DYNC1I1: variants seen among roughly 807,000 people sequenced by gnomAD.
The protein encoded by DYNC1I1 is dynein cytoplasmic 1 intermediate chain 1.
DYNC1I1 carries 43 observed loss-of-function variants against 86.6 expected under a neutral mutation model. The observed-to-expected ratio is 0.50, with a 90% CI of 0.39 to 0.64. DYNC1I1 has a LOEUF of 0.64. DYNC1I1 is among the 30% of genes least tolerant of loss of function. The pLI, the probability that DYNC1I1 is intolerant of heterozygous loss-of-function variation, is 0.00. For synonymous variants in DYNC1I1, 262 were observed against 283.7 expected (o/e 0.92, Z 0.77); for missense variants, 604 against 788.8 (o/e 0.77, Z 2.81).
intron 6 of DYNC1I1, among the ~76,000 whole-genome samples, chr7:95,949,212 T>A (rs762811435): frequency 2.0e-5 from 3 of 152,220 alleles, no homozygotes; most frequent in Non-Finnish European, 4.4e-5. Flanking sequence ...AAAGACTTTG[T>A]GCTAAAAGCA....
chr7:95,949,933 G>T (rs1002988957), intron 6 of DYNC1I1, among the ~76,000 whole-genome samples: 4 of 151,818 alleles, frequency 2.6e-5, no homozygotes, highest in Non-Finnish European at 4.4e-5. Flanking sequence ...TTGATAAAGG[G>T]CCTTAGGCTA....
intron 2 of DYNC1I1, among the ~76,000 whole-genome samples, chr7:95,806,367 G>T (rs1794700920): frequency 6.6e-6 from 1 of 152,112 alleles, no homozygotes; most frequent in South Asian, 2.1e-4. Context: ...ACATTTTGGG[G>T]AAATTACAGG....
intron 5 of DYNC1I1, among the ~76,000 whole-genome samples, chr7:95,833,481 A>T (rs1388020071): frequency 2.1e-5 from 3 of 142,220 alleles, no homozygotes; most frequent in African/African-American, 7.8e-5. Context: ...ATGAACTTTA[A>T]AGTAGTTTTT....
chr7:96,074,331 C>T (rs1391088096), intron 14 of DYNC1I1, among the ~76,000 whole-genome samples: 31 of 152,106 alleles, frequency 2.0e-4, no homozygotes, highest in Admixed American at 2.0e-3. Context: ...GGGCGGATCA[C>T]GAGGTCAGGA....
chr7:95,986,671 A>G (rs1287151835), intron 8 of DYNC1I1, among the ~76,000 whole-genome samples: 1 of 152,078 alleles, frequency 6.6e-6, no homozygotes, highest in Non-Finnish European at 1.5e-5. Flanking sequence ...TATCGATATC[A>G]AAGAATCCTC....
intron 4 of DYNC1I1, among the ~76,000 whole-genome samples, chr7:95,824,971 A>T (rs1554393929): frequency 6.6e-6 from 1 of 152,242 alleles, no homozygotes; most frequent in Non-Finnish European, 1.5e-5. Context: ...ATATTCCTTG[A>T]AGGGAACCAC....
intron 15 of DYNC1I1, among the ~76,000 whole-genome samples, chr7:96,079,471 T>G (rs1445718096): frequency 6.6e-6 from 1 of 152,184 alleles, no homozygotes; most frequent in Non-Finnish European, 1.5e-5. Flanking sequence ...AAGACAAGCT[T>G]TTACACAACT....
At chr7:96,054,385 G>A (rs573681360) in intron 14 of DYNC1I1, among the ~76,000 whole-genome samples, 4 of 152,066 alleles carry the variant, frequency 2.6e-5, no homozygotes, top group East Asian at 1.9e-4. Flanking sequence ...ACAGTCTATC[G>A]TTGATGGGCA....
intron 1 of DYNC1I1, among the ~76,000 whole-genome samples, chr7:95,791,346 TG>T (rs1302437082): frequency 6.6e-6 from 1 of 152,230 alleles, no homozygotes; most frequent in Non-Finnish European, 1.5e-5. Context: ...TTAACTTTGT[TG>T]CACAGAGAAT....
chr7:96,076,453 C>T (rs1273569356), intron 15 of DYNC1I1, among the ~76,000 whole-genome samples: 1 of 152,192 alleles, frequency 6.6e-6, no homozygotes, highest in Non-Finnish European at 1.5e-5. Context: ...AAGAGCAAAA[C>T]GTTATGCGTT....
downstream of DYNC1I1, among the ~76,000 whole-genome samples, chr7:96,103,261 C>T (rs1791163445): frequency 1.3e-5 from 2 of 152,200 alleles, no homozygotes; most frequent in Non-Finnish European, 2.9e-5. Flanking sequence ...CTTTATACCA[C>T]ATTCAGGATG....
intron 11 of DYNC1I1, among the ~76,000 whole-genome samples, chr7:96,031,216 G>A (rs534187763): frequency 6.6e-6 from 1 of 152,084 alleles, no homozygotes; most frequent in Non-Finnish European, 1.5e-5. Context: ...AACCTCACTG[G>A]AAGAGGAATC....
chr7:96,010,354 G>C (rs1388650728), intron 10 of DYNC1I1, among the ~76,000 whole-genome samples: 1 of 152,168 alleles, frequency 6.6e-6, no homozygotes, highest in Non-Finnish European at 1.5e-5. Context: ...CTCGCATTAG[G>C]AGGGAGGCGA....
At chr7:95,930,303 A>T (rs1358993885) in intron 6 of DYNC1I1, among the ~76,000 whole-genome samples, 2 of 152,180 alleles carry the variant, frequency 1.3e-5, no homozygotes, top group African/African-American at 4.8e-5. Context: ...ATTAATTGTA[A>T]TTACTTGTCA....
chr7:96,026,081 A>T (rs1448017163), intron 10 of DYNC1I1, among the ~76,000 whole-genome samples: 1 of 152,150 alleles, frequency 6.6e-6, no homozygotes, highest in African/African-American at 2.4e-5. Context: ...TTTCTGTGGG[A>T]TGTGTAAAAC....
intron 14 of DYNC1I1, among the ~76,000 whole-genome samples, chr7:96,051,504 G>A (rs1383279319): frequency 1.3e-5 from 2 of 152,144 alleles, no homozygotes; most frequent in Non-Finnish European, 2.9e-5. Context: ...ATACACATTT[G>A]ATTGATGGAA....
intron 6 of DYNC1I1, among the ~76,000 whole-genome samples, chr7:95,964,235 CA>C (rs1792947323): frequency 6.6e-6 from 1 of 152,092 alleles, no homozygotes; most frequent in South Asian, 2.1e-4. Context: ...TGGGAGTCAG[CA>C]AAAAGCACTC....
intron 6 of DYNC1I1, among the ~76,000 whole-genome samples, chr7:95,907,797 AAT>A (rs750052480): frequency 2.7e-5 from 4 of 150,248 alleles, no homozygotes; most frequent in Non-Finnish European, 3.0e-5. Flanking sequence ...TTGGTCTCAG[AAT>A]ATATATATAT....
At chr7:95,841,837 A>T (rs992074757) in intron 5 of DYNC1I1, among the ~76,000 whole-genome samples, 4 of 152,170 alleles carry the variant, frequency 2.6e-5, no homozygotes, top group Non-Finnish European at 4.4e-5. Context: ...CCTTCTAGGG[A>T]AAAGCTAGGA....
Sources: allele counts gnomAD v4.1 joint callset (sites outside exome capture counted in the v4.1 genomes callset), GRCh38; gene constraint gnomAD v4.1.1; transcripts MANE v1.5; gene names NCBI Gene and HGNC (gene_info 2026-07-23, HGNC 2026-07-21).